APBA2: variants seen among roughly 807,000 people sequenced by gnomAD.
The protein encoded by APBA2 is amyloid-beta A4 precursor protein-binding family A member 2.
APBA2 carries 30 observed loss-of-function variants against 75.0 expected under a neutral mutation model. The ratio of observed to expected loss-of-function variants is 0.40; its 90% confidence interval spans 0.30 to 0.54. The LOEUF is 0.54. APBA2 is among the 20% of genes least tolerant of loss of function. APBA2 has a pLI of 0.49. For missense variants in APBA2, 801 were observed against 1,016.1 expected, an observed-to-expected ratio of 0.79 and a Z score of 2.88; for synonymous variants, 444 against 409.6, an observed-to-expected ratio of 1.08 and a Z score of -1.01.
At chr15:29,095,072 G>GA (rs979892513) in intron 8 of APBA2, among the ~76,000 whole-genome samples, 14 of 145,672 alleles carry the variant, frequency 9.6e-5, no homozygotes, top group South Asian at 2.2e-4. Context: ...ATCTCTTAAA[G>GA]AAAAAAAAAA....
At chr15:29,029,772 G>T (rs543200858) in intron 3 of APBA2, among the ~76,000 whole-genome samples, 1 of 152,306 alleles carries the variant, frequency 6.6e-6, no homozygotes, top group African/African-American at 2.4e-5. Flanking sequence ...ACAGCCGCTG[G>T]TTCAGGCAGT....
At chr15:28,960,325 G>A (rs754245565) in intron 2 of APBA2, among the ~76,000 whole-genome samples, 2 of 151,712 alleles carry the variant, frequency 1.3e-5, no homozygotes, top group Admixed American at 6.6e-5. Flanking sequence ...TTAGCTGGGT[G>A]TGGTGGTGGA....
intron 4 of APBA2, among the ~76,000 whole-genome samples, chr15:29,063,830 A>C (rs1566963951): frequency 1.3e-5 from 2 of 152,016 alleles, no homozygotes; most frequent in Admixed American, 6.5e-5. Flanking sequence ...GGGTGAGGAC[A>C]CTAGTGGACC....
At position 29,054,320 on chromosome 15, in the gene APBA2, G is replaced by A. The variant is rs926302102; in HGVS notation, c.436G>A (p.Gly146Ser). The change falls in exon 4 of 15, where the codon GGC (glycine) becomes AGC (serine). Residue 146 changes from glycine (G) to serine (S), a missense_variant. Coordinates refer to ENST00000683413, the MANE Select transcript of APBA2 (RefSeq NM_001353788.2). This position sits in a 1 kb window ranked among gnomAD's most constrained non-coding sequence, Gnocchi z 6.1. ...GGTGGAGGAGTGGACGGACTCGGCGGGCCCGCACCCCCACGGCCACGAGGC... is the reference window on the plus strand; with the variant it reads ...GGTGGAGGAGTGGACGGACTCGGCGAGCCCGCACCCCCACGGCCACGAGGC... The part of the protein sequence containing the change: ...EAVEEWTDSA[G>S]PHPHGHEAEG... 14 of 1,613,926 alleles carry A rather than the reference G, an allele frequency of 8.7e-6. No homozygotes were observed. Among genetic ancestry groups the A allele is most frequent in the Non-Finnish European group, 1.2e-5 (14 of 1,180,024 alleles).
intron 14 of APBA2, 152 bp from the exon 15 acceptor site, chr15:29,116,910 C>T (rs1288174140): frequency 1.2e-6 from 1 of 833,342 alleles, no homozygotes; most frequent in Non-Finnish European, 2.1e-6. Context: ...ATAAGTGTCC[C>T]CAGGCCTGGG....
At chr15:29,044,953 A>G (rs1023563844) in intron 3 of APBA2, among the ~76,000 whole-genome samples, 4 of 152,108 alleles carry the variant, frequency 2.6e-5, no homozygotes, top group Non-Finnish European at 4.4e-5. Context: ...TTTCTGGTTC[A>G]TAGGTGGCCA....
intron 3 of APBA2, among the ~76,000 whole-genome samples, chr15:29,013,227 A>G (rs1267999028): frequency 6.7e-6 from 1 of 149,432 alleles, no homozygotes; most frequent in African/African-American, 2.5e-5. Flanking sequence ...TACAGCAACT[A>G]TCCTGAGTAA....
chr15:29,029,999 T>C (rs59217041), intron 3 of APBA2, among the ~76,000 whole-genome samples: 136 of 152,252 alleles, frequency 8.9e-4, no homozygotes, highest in African/African-American at 3.1e-3. Context: ...TGGCTGGCCA[T>C]GTGGAGCTCT....
At position 29,117,683 on chromosome 15, in the gene APBA2, A is replaced by ATTGC; in HGVS notation, c.*553_*554insCTTG. 6.2e-6 allele frequency: 1 copy of ATTGC among 160,670 alleles called. No homozygotes were observed. The highest frequency in any genetic ancestry group is 1.4e-5 in the Non-Finnish European group (1 of 72,904). The allele number at this position is 160,670 out of a possible 1,614,324, so 10.0% of individuals were successfully genotyped here. A position where few individuals can be genotyped will look rare whatever the true frequency, so the allele number is the denominator to read the frequency against. On this transcript the variant is annotated 3_prime_UTR_variant, in exon 15 of 15. Coordinates refer to ENST00000683413, the MANE Select transcript of APBA2 (RefSeq NM_001353788.2). ...TTGGGGACATGTGATTGATTGATTGATTGTAAATAAAGGATGATGGCCACA... is the reference window on the plus strand; with the variant it reads ...TTGGGGACATGTGATTGATTGATTGATTGCTTGTAAATAAAGGATGATGGCCACA...
chr15:28,908,526 G>A (rs1246466693), intron 1 of APBA2, among the ~76,000 whole-genome samples: 1 of 151,960 alleles, frequency 6.6e-6, no homozygotes, highest in Non-Finnish European at 1.5e-5. Flanking sequence ...TAGCCAGATG[G>A]TCTCGATCTC....
intron 1 of APBA2, among the ~76,000 whole-genome samples, chr15:28,915,013 C>A (rs1411588722): frequency 6.1e-5 from 9 of 146,600 alleles, no homozygotes; most frequent in African/African-American, 2.4e-4. Context: ...CCACCTCACA[C>A]ACACCACACA....
chr15:29,043,399 G>A (rs1033877612), intron 3 of APBA2, among the ~76,000 whole-genome samples: 4 of 152,112 alleles, frequency 2.6e-5, no homozygotes, highest in Non-Finnish European at 5.9e-5. Context: ...CCTTCCCACC[G>A]CAGAAATGTC....
intron 1 of APBA2, among the ~76,000 whole-genome samples, chr15:28,889,067 C>T (rs1485578985): frequency 6.6e-6 from 1 of 152,078 alleles, no homozygotes; most frequent in Non-Finnish European, 1.5e-5. Context: ...CGAGTGCCCA[C>T]AGGGAGGCTT....
chr15:29,094,458 T>G (rs2152953607), intron 8 of APBA2, 145 bp downstream of exon 8: 1 of 780,992 alleles, frequency 1.3e-6, no homozygotes, highest in East Asian at 2.5e-5. Context: ...AGGTGAATCT[T>G]AGATGTTTGT....
intron 2 of APBA2, among the ~76,000 whole-genome samples, chr15:28,959,846 G>A (rs2036370272): frequency 6.6e-6 from 1 of 152,184 alleles, no homozygotes. Context: ...ACAAGCTTCA[G>A]TTAACAACAC....
intron 3 of APBA2, among the ~76,000 whole-genome samples, chr15:29,036,178 C>A (rs942716673): frequency 6.6e-6 from 1 of 152,188 alleles, no homozygotes; most frequent in Non-Finnish European, 1.5e-5. Flanking sequence ...ACCAGCCACA[C>A]CTCCTTGCCC....
intron 2 of APBA2, among the ~76,000 whole-genome samples, chr15:28,954,067 G>A (rs967772200): frequency 1.3e-5 from 2 of 151,890 alleles, no homozygotes; most frequent in Admixed American, 6.6e-5. Flanking sequence ...CCATGCTTCC[G>A]GACACCTAGA....
intron 2 of APBA2, among the ~76,000 whole-genome samples, chr15:28,936,341 C>T (rs1013297439): frequency 6.6e-6 from 1 of 152,128 alleles, no homozygotes; most frequent in Non-Finnish European, 1.5e-5. Context: ...AGCTATGAGC[C>T]CCTCCTACTA....
intron 3 of APBA2, among the ~76,000 whole-genome samples, chr15:29,035,637 C>T (rs1238032540): frequency 6.6e-6 from 1 of 152,202 alleles, no homozygotes; most frequent in Admixed American, 6.5e-5. Context: ...AGCAGGGAGA[C>T]TGCTGGCTCA....
Sources: gnomAD v4.1 joint callset for allele counts (sites outside exome capture counted in the v4.1 genomes callset) on GRCh38, gnomAD v4.1.1 for gene constraint, Gnocchi (gnomAD v3.1) non-coding constraint, MANE v1.5 for transcripts, NCBI Gene and HGNC (gene_info 2026-07-23, HGNC 2026-07-21) for gene names.